The following ACTR3B variants were observed in gnomAD, a reference collection of about 807,000 sequenced individuals.
The protein encoded by ACTR3B is actin related protein 3B.
Under a neutral mutation model 59.0 loss-of-function variants are expected in ACTR3B, and 8 were observed. That is an observed-to-expected ratio of 0.14 (90% CI 0.08 to 0.24). The LOEUF is 0.24. Among genes scored for constraint, ACTR3B ranks in the 10% least tolerant of loss-of-function variants. ACTR3B has a pLI of 1.00. For synonymous variants in ACTR3B, 148 were observed against 197.9 expected (o/e 0.75, Z 2.12); for missense variants, 245 against 552.3 (o/e 0.44, Z 5.58).
intron 1 of ACTR3B, among the ~76,000 whole-genome samples, chr7:152,763,786 C>T (rs1336290952): frequency 6.6e-6 from 1 of 152,062 alleles, no homozygotes; most frequent in Admixed American, 6.5e-5. Flanking sequence ...GATTTTTGAA[C>T]TCTATTATTC....
rs187826447 is a variant in ACTR3B, at chr7:152,795,783, G to A, written c.101-4748G>A. On this transcript the variant is annotated intron_variant, in intron 2 of 11. Transcript: ENST00000256001. ...TTCTGAATTTACATTAAACACACCCGTGCAACTCTGTCTGAAGTGGAGTCA... is the reference window on the plus strand; with the variant it reads ...TTCTGAATTTACATTAAACACACCCATGCAACTCTGTCTGAAGTGGAGTCA... 7.3e-5 allele frequency among the ~76,000 whole-genome samples: 11 copies of A among 151,106 alleles called. No individual in the cohort carries two copies. The East Asian group carries it at 1.2e-3, about 16-fold the overall frequency.
At chr7:152,765,114 T>A (rs1192664479) in intron 1 of ACTR3B, among the ~76,000 whole-genome samples, 1 of 103,802 alleles carries the variant, frequency 9.6e-6, no homozygotes, top group East Asian at 2.1e-4. Context: ...TGGCCCTTTT[T>A]TTTTTTTTTT....
Position 152,852,173 on chromosome 7 carries a change from C to T in ACTR3B, c.999C>T (p.Arg333=). The part of the protein sequence containing the change: ...GGSTMFRDFG[R]RLQRDLKRVV... ...CCACCATGTTCAGGGATTTCGGACG[C>T]CGACTGCAGAGGGATTTGAAGAGAG... Residue 333 remains arginine (R), a synonymous_variant, in exon 10 of 12, where the codon CGC becomes CGT. Coordinates refer to ENST00000256001, the MANE Select transcript of ACTR3B (RefSeq NM_020445.6). 6.2e-7 allele frequency: 1 copy of T among 1,614,044 alleles called. No individual in the cohort carries two copies. The highest frequency in any genetic ancestry group is 8.5e-7 in the Non-Finnish European group (1 of 1,179,990).
intron 1 of ACTR3B, among the ~76,000 whole-genome samples, chr7:152,775,487 G>A (rs936351342): frequency 4.6e-5 from 7 of 152,028 alleles, no homozygotes; most frequent in Admixed American, 1.3e-4. Context: ...CAGGCTGGGC[G>A]TGATAGCTCA....
chr7:152,819,414 A>G (rs890933924), intron 6 of ACTR3B, among the ~76,000 whole-genome samples: 17 of 152,334 alleles, frequency 1.1e-4, no homozygotes, highest in African/African-American at 3.8e-4. Context: ...TTACCGGATG[A>G]TCCAGCGGTG....
At position 152,823,511 on chromosome 7, in the gene ACTR3B, C is replaced by T. The variant is rs1343213739; in HGVS notation, c.854C>T (p.Pro285Leu). ...CTGGGACCTGAAATATTCTTTCACC[C>T]GGAGGTGAGATGTTTCCTTTTTTGT... is the stretch of plus-strand genomic sequence containing the variant. ...RFLGPEIFFH[P>L]EFANPDFMES... Residue 285 changes from proline to leucine, a missense_variant, in exon 8 of 12, where the codon CCG becomes CTG. By Grantham distance (98) the Pro-to-Leu change is moderately conservative (BLOSUM62 -3). Transcript: ENST00000256001. The T allele has an allele frequency of 8.1e-6, 13 of 1,613,978 alleles. No homozygotes were observed. The highest frequency in any genetic ancestry group is 2.2e-5 in the South Asian group (2 of 91,050).
At chr7:152,794,481 GT>G (rs1286458091) in intron 2 of ACTR3B, among the ~76,000 whole-genome samples, 4 of 152,218 alleles carry the variant, frequency 2.6e-5, no homozygotes, top group Admixed American at 1.3e-4. Context: ...CTCCCACAGT[GT>G]TGGGATTACA....
intron 9 of ACTR3B, among the ~76,000 whole-genome samples, chr7:152,848,099 C>G (rs1314184638): frequency 1.3e-5 from 2 of 152,200 alleles, no homozygotes; most frequent in Non-Finnish European, 2.9e-5. Flanking sequence ...AACAATAGCT[C>G]AGAACGTGGA....
chr7:152,795,194 C>T (rs1007779343), intron 2 of ACTR3B, among the ~76,000 whole-genome samples: 1 of 152,168 alleles, frequency 6.6e-6, no homozygotes, highest in Non-Finnish European at 1.5e-5. Context: ...GCCACCACAC[C>T]CAGCTAATTT....
intron 9 of ACTR3B, among the ~76,000 whole-genome samples, chr7:152,835,226 C>T (rs1381079947): frequency 6.6e-6 from 1 of 152,200 alleles, no homozygotes; most frequent in African/African-American, 2.4e-5. Flanking sequence ...CATTCCCCAG[C>T]CCCTGCGTCC....
At chr7:152,822,258 C>T (rs1372878790) in intron 7 of ACTR3B, among the ~76,000 whole-genome samples, 4 of 152,224 alleles carry the variant, frequency 2.6e-5, no homozygotes, top group Non-Finnish European at 4.4e-5. Flanking sequence ...ACCACGAGAG[C>T]GTCTTTGGAG....
At chr7:152,832,795 T>G (rs1465797292) in intron 9 of ACTR3B, among the ~76,000 whole-genome samples, 2 of 152,216 alleles carry the variant, frequency 1.3e-5, no homozygotes, top group Non-Finnish European at 1.5e-5. Flanking sequence ...ATGCATTCCT[T>G]CTTGAGGAAA....
rs572715452 is a variant in ACTR3B, at chr7:152,824,363, G to A, written c.859-667G>A. Among the ~76,000 whole-genome samples, 111 of 152,322 alleles carry A rather than the reference G, an allele frequency of 7.3e-4. No homozygotes were observed. The highest frequency in any genetic ancestry group is 2.5e-3 in the African/African-American group (102 of 41,576). The stretch of plus-strand genomic sequence containing the variant: ...GTCAAATGTCCAGTGAACAGCTGGT[G>A]AGCAACTGAATATCCTCCTCCTTCC... On this transcript the variant is annotated intron_variant, in intron 8 of 11. Transcript: ENST00000256001. The surrounding 1 kb of genome is among the most constrained non-coding windows in gnomAD (Gnocchi z 4.2).
rs375619651 is a variant in ACTR3B, at chr7:152,835,219, TC to T, written c.951+10101del. Among the ~76,000 whole-genome samples the T allele has an allele frequency of 1.8e-4, 27 of 152,300 alleles. 1 individual carries two copies. The East Asian group carries it at 3.1e-3, about 17-fold the overall frequency. On this transcript the variant is annotated intron_variant, in intron 9 of 11. Coordinates refer to ENST00000256001, the MANE Select transcript of ACTR3B (RefSeq NM_020445.6). Reference sequence around the variant, plus strand: ...TTCCTAGCATCGTGACTGCACTCATTCCCCAGCCCCTGCGTCCTCAGGTGCA... The same window carrying T: ...TTCCTAGCATCGTGACTGCACTCATTCCCAGCCCCTGCGTCCTCAGGTGCA...
chr7:152,791,609 T>C (rs1241493880), intron 2 of ACTR3B, among the ~76,000 whole-genome samples: 1 of 152,200 alleles, frequency 6.6e-6, no homozygotes, highest in Non-Finnish European at 1.5e-5. Context: ...GTTGGTACAA[T>C]GTGTGTGTAT....
chr7:152,830,775 G>A (rs933293603), intron 9 of ACTR3B, among the ~76,000 whole-genome samples: 9 of 152,162 alleles, frequency 5.9e-5, no homozygotes, highest in South Asian at 2.1e-4. Flanking sequence ...GGTCTTAAAC[G>A]CCTGGCCTCA....
intron 9 of ACTR3B, among the ~76,000 whole-genome samples, chr7:152,837,394 A>G (rs397843454): frequency 6.6e-6 from 1 of 152,258 alleles, no homozygotes; most frequent in Admixed American, 6.5e-5. Context: ...ACCAAAGCAA[A>G]TGACGCCTGT....
At chr7:152,821,834 T>TC (rs1419372373) in intron 7 of ACTR3B, among the ~76,000 whole-genome samples, 3 of 151,992 alleles carry the variant, frequency 2.0e-5, no homozygotes, top group Non-Finnish European at 2.9e-5. Flanking sequence ...GGTTTAGAGC[T>TC]CCCCCCGCTT....
At position 152,853,097 on chromosome 7, in the gene ACTR3B, GCA is replaced by G. The variant is rs572330780; in HGVS notation, c.1078-394_1078-393del. Among the ~76,000 whole-genome samples the G allele has an allele frequency of 1.1e-3, 161 of 152,026 alleles. 1 individual carries two copies. The highest frequency in any genetic ancestry group is 3.7e-3 in the African/African-American group (153 of 41,450). ...CGAGCTACCACGCCCGGCCAGAAAA[GCA>G]CAGTTTCTTTTATTATTTTGAGGAT... On this transcript the variant is annotated intron_variant, in intron 10 of 11. Transcript: ENST00000256001.
Sources: gnomAD v4.1 joint callset for allele counts (sites outside exome capture counted in the v4.1 genomes callset) on GRCh38, gnomAD v4.1.1 for gene constraint, Gnocchi (gnomAD v3.1) non-coding constraint, MANE v1.5 for transcripts, NCBI Gene and HGNC (gene_info 2026-07-23, HGNC 2026-07-21) for gene names.